Variants in ZNF341 observed in about 807,000 individuals in gnomAD.
ZNF341 encodes zinc finger protein 341.
A neutral mutation model predicts 87.7 loss-of-function variants in ZNF341; 52 were observed. That is an observed-to-expected ratio of 0.59 (90% CI 0.47 to 0.75). ZNF341 has a LOEUF of 0.75. Ranked by LOEUF, ZNF341 falls within the 30% of genes least tolerant of loss-of-function variation. ZNF341 has a pLI of 0.00. For synonymous variants in ZNF341, 459 were observed against 472.7 expected (o/e 0.97, Z 0.38); for missense variants, 977 against 1,145.9 (o/e 0.85, Z 2.13).
rs575940637 is a variant in ZNF341, at chr20:33,741,407, T to C, written c.142+395T>C. On this transcript the variant is annotated intron_variant, in intron 2 of 14. Transcript: ENST00000375200. ...GTAAGGGTCTTCTTTTTTTTTTTTTTCTTTTTTTTCTTTTTGAGACAGAGT... is the reference window on the plus strand; with the variant it reads ...GTAAGGGTCTTCTTTTTTTTTTTTTCCTTTTTTTTCTTTTTGAGACAGAGT... Among the ~76,000 whole-genome samples the C allele has an allele frequency of 2.5e-4, 38 of 151,328 alleles. No individual in the cohort carries two copies. In the East Asian group the frequency reaches 6.8e-3, roughly 27 times the overall value.
intron 8 of ZNF341, among the ~76,000 whole-genome samples, chr20:33,765,495 CA>C (rs1030539682): frequency 5.4e-4 from 82 of 152,074 alleles, no homozygotes; most frequent in African/African-American, 1.4e-3. Flanking sequence ...CCTCCCACCT[CA>C]GCTTCCTGGG....
chr20:33,766,728 A>C (rs967472988), intron 8 of ZNF341, 123 bp from the exon 9 acceptor site: 13 of 1,037,922 alleles, frequency 1.3e-5, no homozygotes, highest in Non-Finnish European at 1.7e-5. Context: ...CCTTAAGCAC[A>C]GAGTCTGACC....
At chr20:33,757,366 G>A (rs2019199959) in intron 6 of ZNF341, 23 bp downstream of exon 6, 2 of 1,451,416 alleles carry the variant, frequency 1.4e-6, no homozygotes, top group South Asian at 3.0e-5. Context: ...CCTGCCATGG[G>A]CATCTTTCCT....
intron 4 of ZNF341, among the ~76,000 whole-genome samples, chr20:33,749,283 C>A (rs1407777900): frequency 6.6e-6 from 1 of 152,122 alleles, no homozygotes; most frequent in East Asian, 1.9e-4. Flanking sequence ...TTTGTCAATA[C>A]AGTGCAGCTA....
At chr20:33,776,773 C>T (rs2019635591) in intron 10 of ZNF341, among the ~76,000 whole-genome samples, 1 of 152,112 alleles carries the variant, frequency 6.6e-6, no homozygotes, top group Admixed American at 6.6e-5. Context: ...CTTGCCTCAG[C>T]CTCCCCAGTA....
In ZNF341 at chr20:33,739,630, C is replaced by T. The variant is rs7264493; in HGVS notation, c.32-1272C>T. On this transcript the variant is annotated intron_variant, in intron 1 of 14. Coordinates refer to ENST00000375200, the MANE Select transcript of ZNF341 (RefSeq NM_001282933.2). ...GAGAAATAAGGAAGGCAAGGACGCC[C>T]GCGTGCACACAGATTTGTGGGGTTT... Among the ~76,000 whole-genome samples the T allele has an allele frequency of 5.4e-3, 821 of 152,224 alleles. 4 individuals are homozygous for T. Among genetic ancestry groups the T allele is most frequent in the Non-Finnish European group, 9.0e-3 (613 of 68,034 alleles).
intron 3 of ZNF341, among the ~76,000 whole-genome samples, chr20:33,745,929 C>CTT (rs1301920142): frequency 1.7e-4 from 22 of 132,760 alleles, no homozygotes; most frequent in Admixed American, 2.3e-4. Flanking sequence ...GGGTCTGGGC[C>CTT]TTTTTTTTTT....
rs769491862 is a variant in ZNF341 at position 33,783,773 on chromosome 20, C to T, written c.1761C>T (p.Thr587=). The T allele has an allele frequency of 7.4e-6, 12 of 1,613,760 alleles. No individual in the cohort carries two copies. The highest frequency in any genetic ancestry group is 4.0e-5 in the African/African-American group (3 of 74,852). ...CERYLRRHLP[T]HGSGGRFKCQ... ...GCTACCTGCGGCGTCATCTGCCCAC[C>T]CACGGCAGCGGGGGCAGGTTCAAGT... is the stretch of plus-strand genomic sequence containing the variant. The change falls in exon 12 of 15, where the codon ACC becomes ACT. Residue 587 remains threonine (T), a synonymous_variant. Coordinates refer to ENST00000375200, the MANE Select transcript of ZNF341 (RefSeq NM_001282933.2).
intron 5 of ZNF341, among the ~76,000 whole-genome samples, chr20:33,755,857 G>T (rs1291369725): frequency 6.6e-6 from 1 of 152,008 alleles, no homozygotes; most frequent in Non-Finnish European, 1.5e-5. Context: ...GCCTGCCAAA[G>T]TGCTGGAATT....
At chr20:33,739,500 T>C (rs2018758629) in intron 1 of ZNF341, among the ~76,000 whole-genome samples, 1 of 152,208 alleles carries the variant, frequency 6.6e-6, no homozygotes, top group Admixed American at 6.5e-5. Context: ...GAACTTCAAC[T>C]GTGATAACTG....
At position 33,791,410 on chromosome 20, in the gene ZNF341, C is replaced by A; in HGVS notation, c.2458C>A (p.His820Asn). Residue 820 changes from histidine to asparagine, a missense_variant, in exon 15 of 15, where the codon CAC becomes AAC. Coordinates refer to ENST00000375200, the MANE Select transcript of ZNF341 (RefSeq NM_001282933.2). ...GAETELVVPG[H>N]AEGLGSNLAL... is the part of the protein sequence containing the mutation. Reference sequence around the variant, plus strand: ...GGAAACTGAGCTGGTGGTACCTGGACACGCTGAGGGGCTGGGCTCCAACCT... The same window carrying A: ...GGAAACTGAGCTGGTGGTACCTGGAAACGCTGAGGGGCTGGGCTCCAACCT... The A allele has an allele frequency of 1.2e-6, 2 of 1,612,272 alleles. No homozygotes were observed. Among genetic ancestry groups the A allele is most frequent in the Non-Finnish European group, 1.7e-6 (2 of 1,179,746 alleles).
intron 2 of ZNF341, among the ~76,000 whole-genome samples, chr20:33,744,313 G>C (rs1601237096): frequency 1.3e-5 from 2 of 151,784 alleles, no homozygotes; most frequent in East Asian, 3.9e-4. Flanking sequence ...GAAAAGAAAA[G>C]GAAAGAAAAA....
chr20:33,748,866 GCA>G, intron 3 of ZNF341, 55 bp from the exon 4 acceptor site: 6 of 1,532,818 alleles, frequency 3.9e-6, no homozygotes, highest in Non-Finnish European at 4.5e-6. Context: ...GCACACATGA[GCA>G]CACACACACT....
chr20:33,766,227 C>T (rs912864826), intron 8 of ZNF341, among the ~76,000 whole-genome samples: 17 of 151,090 alleles, frequency 1.1e-4, no homozygotes, highest in African/African-American at 3.4e-4. Flanking sequence ...CAGAATCTCA[C>T]TCTGTCACCA....
chr20:33,757,557 G>A (rs1356888366), intron 6 of ZNF341, among the ~76,000 whole-genome samples: 1 of 152,212 alleles, frequency 6.6e-6, no homozygotes, highest in African/African-American at 2.4e-5. Context: ...GACTGCATGG[G>A]CACCAGGCAC....
intron 10 of ZNF341, among the ~76,000 whole-genome samples, chr20:33,778,862 C>T (rs1284062030): frequency 2.0e-5 from 3 of 152,158 alleles, no homozygotes; most frequent in African/African-American, 7.2e-5. Flanking sequence ...TGATAATACC[C>T]TTTCTTCCTT....
Position 33,789,398 on chromosome 20 carries a change from C to A in ZNF341, c.1965-120C>A, listed in dbSNP as rs987732705. 3.9e-6 allele frequency: 4 copies of A among 1,015,716 alleles called. No individual in the cohort carries two copies. In the African/African-American group the frequency reaches 4.8e-5, roughly 12 times the overall value. The allele number at this position is 1,015,716 out of a possible 1,614,324, so 62.9% of individuals were successfully genotyped here. The stretch of plus-strand genomic sequence containing the variant: ...CCTGCCTGCCTCACTTCCCACCCTA[C>A]CTCCTTGCCCAGCCCTTAGGGTGGA... On this transcript the variant is annotated intron_variant, in intron 13 of 14. Coordinates refer to ENST00000375200, the MANE Select transcript of ZNF341 (RefSeq NM_001282933.2).
rs1490698177 is a variant in ZNF341, at chr20:33,732,428, C to T, written c.31+376C>T. On this transcript the variant is annotated intron_variant, in intron 1 of 14. Transcript: ENST00000375200. This position sits in a 1 kb window ranked among gnomAD's most constrained non-coding sequence, Gnocchi z 4.5. ...GCTTGGCGGCGCGCGGGGCCCGGGA[C>T]GGGGGTGCGGTCGCAGCTGCGGGCA... is the stretch of plus-strand genomic sequence containing the variant. Among the ~76,000 whole-genome samples the T allele has an allele frequency of 6.6e-6, 1 of 152,008 alleles. No homozygotes were observed. Among genetic ancestry groups the T allele is most frequent in the African/African-American group, 2.4e-5 (1 of 41,430 alleles).
In ZNF341 at chr20:33,788,931, A is replaced by G; in HGVS notation, c.1921A>G (p.Met641Val). 6.2e-7 allele frequency: 1 copy of G among 1,613,978 alleles called. No individual in the cohort carries two copies. The highest frequency in any genetic ancestry group is 1.1e-5 in the South Asian group (1 of 91,082). Residue 641 changes from methionine to valine, a missense_variant, in exon 13 of 15, where the codon ATG becomes GTG. Physicochemically the swap from Met to Val is conservative, Grantham distance 21. Around this residue, in one of 3 missense-constraint regions of ZNF341, gnomAD observed 241 missense variants for 335.0 expected, o/e 0.72. Transcript: ENST00000375200. ...FNRKDKLKRH[M>V]LIHEPFKKYK... ...CCGCAAGGACAAACTGAAGAGACAC[A>G]TGTTGATCCACGAGCCCTTCAAGAA...
Sources: gnomAD v4.1 joint callset for allele counts (sites outside exome capture counted in the v4.1 genomes callset) on GRCh38, gnomAD v4.1.1 for gene constraint, gnomAD v4.1.1 regional missense constraint, Gnocchi (gnomAD v3.1) non-coding constraint, MANE v1.5 for transcripts, NCBI Gene and HGNC (gene_info 2026-07-23, HGNC 2026-07-21) for gene names.